ALDH1A3: variants seen among roughly 807,000 people sequenced by gnomAD.
ALDH1A3 encodes the protein aldehyde dehydrogenase 1 family member A3, also known as retinaldehyde dehydrogenase 3.
ALDH1A3 carries 28 observed loss-of-function variants against 57.5 expected under a neutral mutation model. That is an observed-to-expected ratio of 0.49 (90% CI 0.36 to 0.67). The LOEUF is 0.67. Among genes scored for constraint, ALDH1A3 ranks in the 30% least tolerant of loss-of-function variants. ALDH1A3 has a pLI of 0.00. For synonymous variants in ALDH1A3, 281 were observed against 264.8 expected, an observed-to-expected ratio of 1.06 and a Z score of -0.59; for missense variants, 507 against 669.4, an observed-to-expected ratio of 0.76 and a Z score of 2.68.
rs2041604100 is a variant in ALDH1A3 at position 100,887,255 on chromosome 15, G to A, written c.205-317G>A. 6.6e-6 allele frequency among the ~76,000 whole-genome samples: 1 copy of A among 152,068 alleles called. No homozygotes were observed. Among genetic ancestry groups the A allele is most frequent in the Admixed American group, 6.5e-5 (1 of 15,272 alleles). ...CTGATGGCCGTGGTCCCAAACTGCA[G>A]TCACGTCAAAAGATGACACCCAAAC... is the stretch of plus-strand genomic sequence containing the variant. On this transcript the variant is annotated intron_variant, in intron 2 of 12. Transcript: ENST00000329841. This position sits in a 1 kb window ranked among gnomAD's most constrained non-coding sequence, Gnocchi z 4.6.
At chr15:100,897,983 C>A in intron 7 of ALDH1A3, 100 bp from the exon 8 acceptor site, 1 of 1,114,884 alleles carries the variant, frequency 9.0e-7, no homozygotes, top group Non-Finnish European at 1.3e-6. Flanking sequence ...CAGGTGGTGG[C>A]ACTGCCACCC....
At chr15:100,883,960 CA>C in intron 1 of ALDH1A3, among the ~76,000 whole-genome samples, 1 of 152,234 alleles carries the variant, frequency 6.6e-6, no homozygotes, top group Middle Eastern at 3.4e-3. Context: ...TTAAACAATT[CA>C]AAAAGAAGCA....
rs2041626658 is a variant in ALDH1A3 at position 100,889,341 on chromosome 15, G to A, written c.345+1629G>A. Among the ~76,000 whole-genome samples the A allele has an allele frequency of 6.6e-6, 1 of 152,090 alleles. No individual in the cohort carries two copies. The highest frequency in any genetic ancestry group is 6.5e-5 in the Admixed American group (1 of 15,268). On this transcript the variant is annotated intron_variant, in intron 3 of 12. Transcript: ENST00000329841. The surrounding 1 kb of genome is among the most constrained non-coding windows in gnomAD (Gnocchi z 5.1). The stretch of plus-strand genomic sequence containing the variant: ...GGAGGAACTCTCAGGCCGTACTCTT[G>A]GGTGCATTTCCCTAAGGGTGCATCC...
intron 1 of ALDH1A3, chr15:100,881,293 T>G (rs1039072067): frequency 6.6e-6 from 1 of 152,222 alleles, no homozygotes; most frequent in African/African-American, 2.4e-5. Context: ...ATTCTTAATG[T>G]AGTTTTATTT....
chr15:100,899,610 C>T (rs189276650), intron 8 of ALDH1A3, among the ~76,000 whole-genome samples: 42 of 152,168 alleles, frequency 2.8e-4, no homozygotes, highest in Admixed American at 1.9e-3. Flanking sequence ...CCCCTAGCTC[C>T]GTCAGGAGCA....
Position 100,894,367 on chromosome 15 carries a change from G to C in ALDH1A3, c.666+285G>C, listed in dbSNP as rs940678474. The C allele has an allele frequency of 1.5e-5, 4 of 273,738 alleles. No homozygotes were observed. The highest frequency in any genetic ancestry group is 7.6e-5 in the East Asian group (1 of 13,172). 17.0% of individuals were successfully genotyped at this position (273,738 alleles called of 1,614,324 possible). A position where few individuals can be genotyped will look rare whatever the true frequency, so the allele number is the denominator to read the frequency against. On this transcript the variant is annotated intron_variant, in intron 6 of 12. Transcript: ENST00000329841. The surrounding 1 kb of genome is among the most constrained non-coding windows in gnomAD (Gnocchi z 4.5). ...AGTGGTTTGTCTAGAGAATTTTCAG[G>C]GGGGGTCAACCAAGAGGGAGCCAAA...
At position 100,914,710 on chromosome 15, in the gene ALDH1A3, C is replaced by T. The variant is rs139684559; in HGVS notation, c.1476C>T (p.Tyr492=). The stretch of plus-strand genomic sequence containing the variant: ...TTTTCTGTGATCACAGAGGTGAATA[C>T]GCTTTGGCCGAATACACAGAAGTGA... ...MSGNGRELGE[Y]ALAEYTEVKT... The change falls in exon 13 of 13, where the codon TAC becomes TAT. Residue 492 remains tyrosine (Y), a synonymous_variant. Coordinates refer to ENST00000329841, the MANE Select transcript of ALDH1A3 (RefSeq NM_000693.4). The T allele has an allele frequency of 5.5e-5, 89 of 1,613,938 alleles. No homozygotes were observed. In the Admixed American group the frequency reaches 5.7e-4, roughly 10 times the overall value.
intron 12 of ALDH1A3, among the ~76,000 whole-genome samples, chr15:100,910,036 G>A (rs561072827): frequency 6.6e-6 from 1 of 152,302 alleles, no homozygotes; most frequent in African/African-American, 2.4e-5. Flanking sequence ...TCTCTTTTGA[G>A]ATTCTTAAAG....
At chr15:100,913,175 AT>A (rs2041898558) in intron 12 of ALDH1A3, 1 of 151,898 alleles carries the variant, frequency 6.6e-6, no homozygotes, top group Non-Finnish European at 1.5e-5. Context: ...AAAAAAAAAA[AT>A]ACAGATGTCT....
Position 100,892,563 on chromosome 15 carries a change from C to T in ALDH1A3, c.399C>T (p.Asp133=). 1 of 1,613,070 alleles carries T rather than the reference C, an allele frequency of 6.2e-7. No homozygotes were observed. Among genetic ancestry groups the T allele is most frequent in the Non-Finnish European group, 8.5e-7 (1 of 1,179,650 alleles). ...CATTTCTTCATGCTTTTTTCATCGACCTGGAGGGCTGTATTAGAACCCTCA... is the reference window on the plus strand; with the variant it reads ...CATTTCTTCATGCTTTTTTCATCGATCTGGAGGGCTGTATTAGAACCCTCA... The part of the protein sequence containing the change: ...GKPFLHAFFI[D]LEGCIRTLRY... Residue 133 remains aspartate, a synonymous_variant, in exon 4 of 13, where the codon GAC becomes GAT. Coordinates refer to ENST00000329841, the MANE Select transcript of ALDH1A3 (RefSeq NM_000693.4).
rs2041605689 is a variant in ALDH1A3, at chr15:100,887,357, G to T, written c.205-215G>T. ...CACCCAAACTGCAGTCACCTCAAAA[G>T]ATGACACCCAAACTGCAGTCACCTC... On this transcript the variant is annotated intron_variant, in intron 2 of 12. Transcript: ENST00000329841. This position sits in a 1 kb window ranked among gnomAD's most constrained non-coding sequence, Gnocchi z 4.6. Among the ~76,000 whole-genome samples the T allele has an allele frequency of 6.9e-6, 1 of 145,048 alleles. No individual in the cohort carries two copies. The highest frequency in any genetic ancestry group is 1.6e-5 in the Non-Finnish European group (1 of 63,302).
chr15:100,902,373 T>C (rs947662081), intron 9 of ALDH1A3, among the ~76,000 whole-genome samples: 1 of 152,244 alleles, frequency 6.6e-6, no homozygotes, highest in African/African-American at 2.4e-5. Context: ...TGTTGGGGTT[T>C]CTTTTTCTTC....
At chr15:100,892,801 G>A in intron 4 of ALDH1A3, 144 bp from the exon 5 acceptor site, 1 of 1,330,868 alleles carries the variant, frequency 7.5e-7, no homozygotes, top group Non-Finnish European at 1.0e-6. Context: ...CACTTTTAAA[G>A]TTGAGGTCAA....
At chr15:100,892,150 A>C (rs2041656541) in intron 3 of ALDH1A3, 2 of 245,256 alleles carry the variant, frequency 8.2e-6, no homozygotes, top group Non-Finnish European at 1.6e-5. Flanking sequence ...ACGACTGGCC[A>C]CACAGCAGAG....
chr15:100,901,450 A>G (rs1310307474), intron 9 of ALDH1A3, among the ~76,000 whole-genome samples: 1 of 152,162 alleles, frequency 6.6e-6, no homozygotes, highest in East Asian at 1.9e-4. Context: ...GTCCTGCCCC[A>G]GCCATGAAAT....
In ALDH1A3 at chr15:100,887,268, A is replaced by G. The variant is rs1382595608; in HGVS notation, c.205-304A>G. Among the ~76,000 whole-genome samples the G allele has an allele frequency of 6.6e-6, 1 of 152,044 alleles. No homozygotes were observed. The highest frequency in any genetic ancestry group is 2.4e-5 in the African/African-American group (1 of 41,382). The stretch of plus-strand genomic sequence containing the variant: ...TCCCAAACTGCAGTCACGTCAAAAG[A>G]TGACACCCAAACTGCAGTCACCTCA... On this transcript the variant is annotated intron_variant, in intron 2 of 12. Transcript: ENST00000329841. The surrounding 1 kb of genome is among the most constrained non-coding windows in gnomAD (Gnocchi z 4.6).
chr15:100,887,670 C>T lies in ALDH1A3; in HGVS notation c.303C>T (p.His101=), dbSNP rs2041609909. The change falls in exon 3 of 13, where the codon CAC becomes CAT. Residue 101 remains histidine, a synonymous_variant. Transcript: ENST00000329841. This position sits in a 1 kb window ranked among gnomAD's most constrained non-coding sequence, Gnocchi z 4.6. ...CCCTGAGTCGTGGGCGGCTGCTGCA[C>T]CAGCTGGCTGACCTGGTGGAGAGGG... is the stretch of plus-strand genomic sequence containing the variant. The part of the protein sequence containing the change: ...LDALSRGRLL[H]QLADLVERDR... The T allele has an allele frequency of 1.2e-6, 2 of 1,610,852 alleles. No individual in the cohort carries two copies. Among genetic ancestry groups the T allele is most frequent in the Non-Finnish European group, 1.7e-6 (2 of 1,178,514 alleles).
chr15:100,900,830 G>A (rs1810047236), intron 9 of ALDH1A3, 71 bp downstream of exon 9: 3 of 1,525,442 alleles, frequency 2.0e-6, no homozygotes, highest in East Asian at 2.3e-5. Flanking sequence ...CATGGCAACC[G>A]CCTACAGGGT....
Position 100,879,853 on chromosome 15 carries a change from C to A in ALDH1A3, c.-55C>A. 1 of 1,276,144 alleles carries A rather than the reference C, an allele frequency of 7.8e-7. No individual in the cohort carries two copies. The highest frequency in any genetic ancestry group is 1.0e-6 in the Non-Finnish European group (1 of 994,040). The allele number at this position is 1,276,144 out of a possible 1,614,324, so 79.1% of individuals were successfully genotyped here. A position where few individuals can be genotyped will look rare whatever the true frequency, so the allele number is the denominator to read the frequency against. The stretch of plus-strand genomic sequence containing the variant: ...GGGAGCGGGCTGCGCAGTGTCCGGG[C>A]CGAGCCGGTGCGCCGCAGACTAGGG... On this transcript the variant is annotated 5_prime_UTR_variant, in exon 1 of 13. Coordinates refer to ENST00000329841, the MANE Select transcript of ALDH1A3 (RefSeq NM_000693.4).
Sources: allele counts gnomAD v4.1 joint callset (sites outside exome capture counted in the v4.1 genomes callset), GRCh38; gene constraint gnomAD v4.1.1; non-coding constraint Gnocchi (gnomAD v3.1); transcripts MANE v1.5; gene names NCBI Gene and HGNC (gene_info 2026-07-23, HGNC 2026-07-21).